Variants in SYT1 observed in about 807,000 individuals in gnomAD.
The protein encoded by SYT1 is synaptotagmin-1.
SYT1 carries 8 observed loss-of-function variants against 44.8 expected under a neutral mutation model. That is an observed-to-expected ratio of 0.18 (90% confidence interval 0.10 to 0.32). SYT1 has a LOEUF of 0.32. SYT1 is among the 10% of genes least tolerant of loss of function. SYT1 has a pLI of 1.00. For missense variants in SYT1, 286 were observed against 509.3 expected (o/e 0.56, Z 4.22); for synonymous variants, 154 against 188.8 (o/e 0.82, Z 1.51).
In SYT1 at chr12:79,444,152, T is replaced by C. The variant is rs750493661; in HGVS notation, c.1008T>C (p.Leu336=). 1.9e-5 allele frequency: 30 copies of C among 1,613,634 alleles called. No individual in the cohort carries two copies. The East Asian group carries it at 2.2e-4, about 12-fold the overall frequency. ...AGACAACAATTAAAAAGAACACACT[T>C]AACCCCTACTACAATGAGTCATTCA... ...KKKTTIKKNT[L]NPYYNESFSF... The change falls in exon 10 of 11, where the codon CTT becomes CTC. Residue 336 remains leucine (L), a synonymous_variant. Coordinates refer to ENST00000261205, the MANE Select transcript of SYT1 (RefSeq NM_005639.3).
chr12:78,998,315 T>C (rs1870510131), intron 2 of SYT1, among the ~76,000 whole-genome samples: 1 of 152,198 alleles, frequency 6.6e-6, no homozygotes, highest in Non-Finnish European at 1.5e-5. Context: ...GGATTTGACA[T>C]GAAACAAATT....
intron 3 of SYT1, among the ~76,000 whole-genome samples, chr12:79,154,380 C>A (rs1198125420): frequency 6.6e-6 from 1 of 150,930 alleles, no homozygotes; most frequent in Non-Finnish European, 1.5e-5. Flanking sequence ...TGAAACAACT[C>A]TATGACATAG....
intron 4 of SYT1, among the ~76,000 whole-genome samples, chr12:79,247,980 A>G (rs1171334171): frequency 3.9e-5 from 6 of 152,210 alleles, no homozygotes; most frequent in African/African-American, 1.4e-4. Flanking sequence ...GTCAATAAAG[A>G]TCTTATTGGT....
At chr12:79,408,054 A>C (rs1868303085) in intron 9 of SYT1, among the ~76,000 whole-genome samples, 1 of 152,144 alleles carries the variant, frequency 6.6e-6, no homozygotes, top group Non-Finnish European at 1.5e-5. Flanking sequence ...AAATCAGTTT[A>C]TCCTGGGTAT....
At position 79,084,821 on chromosome 12, in the gene SYT1, A is replaced by G. The variant is rs1028924554; in HGVS notation, c.-18+37459A>G. Among the ~76,000 whole-genome samples, 3 of 152,270 alleles carry G rather than the reference A, an allele frequency of 2.0e-5. No homozygotes were observed. The South Asian group carries it at 6.2e-4, about 32-fold the overall frequency. ...GTATTATAGAATTTGATATAGATAA[A>G]GTAGTTAATCAGATGTATAAAGAAA... On this transcript the variant is annotated intron_variant, in intron 3 of 10. Coordinates refer to ENST00000261205, the MANE Select transcript of SYT1 (RefSeq NM_005639.3).
At chr12:78,889,402 A>G (rs1592528190) in intron 1 of SYT1, among the ~76,000 whole-genome samples, 1 of 152,042 alleles carries the variant, frequency 6.6e-6, no homozygotes, top group South Asian at 2.1e-4. Flanking sequence ...AGGAACTTGT[A>G]ATATAAATGA....
At chr12:79,286,733 T>G (rs1231657957) in intron 5 of SYT1, among the ~76,000 whole-genome samples, 1 of 152,154 alleles carries the variant, frequency 6.6e-6, no homozygotes, top group African/African-American at 2.4e-5. Context: ...TTCAAGATAA[T>G]GTTTACTATT....
chr12:79,132,002 A>G (rs754069018), intron 3 of SYT1, among the ~76,000 whole-genome samples: 4 of 152,206 alleles, frequency 2.6e-5, no homozygotes, highest in Non-Finnish European at 4.4e-5. Flanking sequence ...GAGTTTCTAT[A>G]GTTAAATGCT....
chr12:79,260,151 G>A (rs1245839), intron 4 of SYT1, among the ~76,000 whole-genome samples: 108,074 of 152,144 alleles, frequency 0.71, 38,923 homozygotes, highest in African/African-American at 0.79. Context: ...GCAAAAGGCT[G>A]TTTCATTGAA....
intron 5 of SYT1, among the ~76,000 whole-genome samples, chr12:79,291,353 G>A (rs1879571789): frequency 6.6e-6 from 1 of 152,124 alleles, no homozygotes; most frequent in African/African-American, 2.4e-5. Context: ...ATTTAATTCA[G>A]CCTAGCTTTT....
At chr12:79,311,117 T>G (rs1880761776) in intron 8 of SYT1, among the ~76,000 whole-genome samples, 1 of 152,192 alleles carries the variant, frequency 6.6e-6, no homozygotes, top group African/African-American at 2.4e-5. Flanking sequence ...ATGCTTCCAG[T>G]TTTTGCCCAT....
intron 2 of SYT1, among the ~76,000 whole-genome samples, chr12:79,020,709 G>C (rs749837900): frequency 6.6e-6 from 1 of 151,786 alleles, no homozygotes; most frequent in Non-Finnish European, 1.5e-5. Context: ...AATAGGTCTG[G>C]GTTTTCTGTG....
intron 2 of SYT1, among the ~76,000 whole-genome samples, chr12:79,037,219 G>A (rs2137699377): frequency 6.6e-6 from 1 of 151,424 alleles, no homozygotes; most frequent in Middle Eastern, 3.4e-3. Context: ...TGCTTTGATA[G>A]TGCCCTTATC....
intron 3 of SYT1, among the ~76,000 whole-genome samples, chr12:79,185,238 G>A (rs535496023): frequency 2.8e-4 from 43 of 152,196 alleles, no homozygotes; most frequent in Non-Finnish European, 5.3e-4. Context: ...AAATAACTAA[G>A]TGCTGGAGAT....
At chr12:79,079,282 T>C (rs1291894982) in intron 3 of SYT1, among the ~76,000 whole-genome samples, 1 of 151,904 alleles carries the variant, frequency 6.6e-6, no homozygotes, top group Non-Finnish European at 1.5e-5. Flanking sequence ...TACTTTGATG[T>C]ATAATCCATA....
chr12:78,949,588 T>C lies in SYT1; in HGVS notation c.-216-28211T>C, dbSNP rs537018526. Among the ~76,000 whole-genome samples, 3 of 152,038 alleles carry C rather than the reference T, an allele frequency of 2.0e-5. No individual in the cohort carries two copies. The South Asian group carries it at 6.2e-4, about 31-fold the overall frequency. On this transcript the variant is annotated intron_variant, in intron 1 of 10. Coordinates refer to ENST00000261205, the MANE Select transcript of SYT1 (RefSeq NM_005639.3). ...CCAGAAAATCACTGACAATGGCAAA[T>C]GTTTCTGAGTCATTGCTATAGAAAA...
chr12:78,934,276 A>T (rs1368905556), intron 1 of SYT1, among the ~76,000 whole-genome samples: 2 of 151,978 alleles, frequency 1.3e-5, no homozygotes, highest in African/African-American at 2.4e-5. Context: ...GGCCAGGTGG[A>T]GATAATTGAA....
chr12:79,429,364 G>A (rs957346532), intron 9 of SYT1, among the ~76,000 whole-genome samples: 3 of 151,752 alleles, frequency 2.0e-5, no homozygotes, highest in African/African-American at 4.8e-5. Flanking sequence ...CAGCCACCAC[G>A]CCTGGCAAAT....
At chr12:79,388,277 G>A (rs144594267) in intron 9 of SYT1, among the ~76,000 whole-genome samples, 2 of 152,222 alleles carry the variant, frequency 1.3e-5, no homozygotes, top group African/African-American at 4.8e-5. Context: ...TATGCATCAC[G>A]AGTGCCTTTA....
Sources: allele counts gnomAD v4.1 joint callset (sites outside exome capture counted in the v4.1 genomes callset), GRCh38; gene constraint gnomAD v4.1.1; transcripts MANE v1.5; gene names NCBI Gene and HGNC (gene_info 2026-07-23, HGNC 2026-07-21).